NEK1: variants seen among roughly 807,000 people sequenced by gnomAD.
The protein encoded by NEK1 is NIMA related kinase 1.
In NEK1, 137 loss-of-function variants were observed where a neutral mutation model predicts 182.1. That is an observed-to-expected ratio of 0.75 (90% CI 0.65 to 0.87). The LOEUF (loss-of-function observed/expected upper bound fraction) is 0.87. Among genes scored for constraint, NEK1 ranks in the 40% least tolerant of loss-of-function variants. NEK1 has a pLI of 0.00. For missense variants in NEK1, 1,391 were observed against 1,494.4 expected (o/e 0.93, Z 1.14); for synonymous variants, 513 against 492.2 (o/e 1.04, Z -0.56).
chr4:169,511,402 G>A (rs771103435), intron 19 of NEK1, among the ~76,000 whole-genome samples: 1 of 152,134 alleles, frequency 6.6e-6, no homozygotes, highest in Non-Finnish European at 1.5e-5. Flanking sequence ...GTTAAGGGGA[G>A]TGGGTGGTAG....
chr4:169,406,668 C>CGAACATCTCCTACGGTGG lies in NEK1; in HGVS notation c.3284_3301dup (p.Pro1095_Val1100dup). 1.2e-6 allele frequency: 2 copies of CGAACATCTCCTACGGTGG among 1,607,684 alleles called. No homozygotes were observed. The highest frequency in any genetic ancestry group is 1.7e-6 in the Non-Finnish European group (2 of 1,176,400). Reference sequence around the variant, plus strand: ...TTCATCTATTTCAAGATTGTCTTGACGAACATCTCCTACGGTGGGAACATC... The same window carrying CGAACATCTCCTACGGTGG: ...TTCATCTATTTCAAGATTGTCTTGACGAACATCTCCTACGGTGGGAACATCTCCTACGGTGGGAACATC... On this transcript the variant is annotated inframe_insertion, in exon 32 of 36. Transcript: ENST00000507142.
chr4:169,458,466 A>T (rs1028693553), intron 27 of NEK1, among the ~76,000 whole-genome samples: 1 of 152,076 alleles, frequency 6.6e-6, no homozygotes, highest in African/African-American at 2.4e-5. Flanking sequence ...AGTGGCTCAC[A>T]CCAGTAATCC....
chr4:169,428,152 T>C (rs1291921445), intron 29 of NEK1, among the ~76,000 whole-genome samples: 1 of 151,848 alleles, frequency 6.6e-6, no homozygotes, highest in Non-Finnish European at 1.5e-5. Flanking sequence ...CAAAATATAA[T>C]GTCCCTTGGT....
intron 19 of NEK1, among the ~76,000 whole-genome samples, chr4:169,527,148 T>C (rs1329948112): frequency 2.6e-5 from 4 of 152,168 alleles, no homozygotes; most frequent in Non-Finnish European, 2.9e-5. Flanking sequence ...CTATGGAGGA[T>C]AGAAAGCCAG....
intron 18 of NEK1, chr4:169,554,234 A>G (rs112602996): frequency 0.056 from 8,476 of 152,368 alleles, 243 homozygotes; most frequent in African/African-American, 0.068. Context: ...CCTGGGCAAC[A>G]TAGCAAGACT....
intron 27 of NEK1, among the ~76,000 whole-genome samples, chr4:169,455,327 CAA>C (rs536817817): frequency 3.0e-5 from 4 of 135,320 alleles, no homozygotes; most frequent in Admixed American, 1.5e-4. Context: ...GAAGCATAAT[CAA>C]AAAAAAAAAA....
chr4:169,598,787 G>C (rs954252772), intron 5 of NEK1, among the ~76,000 whole-genome samples: 1 of 152,122 alleles, frequency 6.6e-6, no homozygotes, highest in Non-Finnish European at 1.5e-5. Flanking sequence ...TATATAGTCT[G>C]GCAGCAGTAA....
intron 10 of NEK1, among the ~76,000 whole-genome samples, chr4:169,585,086 G>T (rs1472877158): frequency 6.6e-6 from 1 of 152,128 alleles, no homozygotes; most frequent in Non-Finnish European, 1.5e-5. Flanking sequence ...CTACTCAGGA[G>T]GCTGAGGCAG....
Position 169,394,467 on chromosome 4 carries a change from C to T in NEK1, c.*43G>A. The T allele has an allele frequency of 7.9e-7, 1 of 1,258,036 alleles. No individual in the cohort carries two copies. The allele number at this position is 1,258,036 out of a possible 1,614,324, so 77.9% of individuals were successfully genotyped here. Reference sequence around the variant, plus strand: ...GCTTGTTATTCTGATAAGCCAAATTCAAATGCTTTCATATAGTTGAGGATT... The same window carrying T: ...GCTTGTTATTCTGATAAGCCAAATTTAAATGCTTTCATATAGTTGAGGATT... On this transcript the variant is annotated 3_prime_UTR_variant, in exon 36 of 36. Transcript: ENST00000507142.
chr4:169,580,372 C>A (rs753935409), intron 11 of NEK1, among the ~76,000 whole-genome samples: 41 of 151,436 alleles, frequency 2.7e-4, no homozygotes, highest in Non-Finnish European at 3.2e-4. Flanking sequence ...GTGGTGGATG[C>A]CGGTAATCCC....
At position 169,404,080 on chromosome 4, in the gene NEK1, A is replaced by AG. The variant is rs958928736; in HGVS notation, c.3375-2221dup. ...ACACAAACTTAGCAGCTTGGAAGAA[A>AG]GAAAAAATAAAAGAACACAAGCCAC... On this transcript the variant is annotated intron_variant, in intron 32 of 35. Transcript: ENST00000507142. 1.4e-3 allele frequency among the ~76,000 whole-genome samples: 6 copies of AG among 4,280 alleles called. No individual in the cohort carries two copies. The African/African-American group carries it at 0.017, about 12-fold the overall frequency. 2.8% of individuals were successfully genotyped at this position (4,280 alleles called of 152,430 possible).
intron 10 of NEK1, among the ~76,000 whole-genome samples, chr4:169,583,566 T>A (rs1020011378): frequency 7.2e-5 from 11 of 152,198 alleles, no homozygotes; most frequent in Non-Finnish European, 1.3e-4. Context: ...CATTTTAGGC[T>A]TGAATATTTT....
chr4:169,540,105 T>C (rs999382249), intron 18 of NEK1, among the ~76,000 whole-genome samples: 3 of 152,176 alleles, frequency 2.0e-5, no homozygotes, highest in Admixed American at 6.6e-5. Flanking sequence ...CTGGCTTAAA[T>C]AAGCAGGTTT....
intron 18 of NEK1, among the ~76,000 whole-genome samples, chr4:169,545,053 CTTTTTTT>C (rs200190997): frequency 7.3e-6 from 1 of 137,908 alleles, no homozygotes; most frequent in East Asian, 2.1e-4. Context: ...TTCTCTGATT[CTTTTTTT>C]TTTTTTTTAT....
In NEK1 at chr4:169,432,768, T is replaced by TTTAA. The variant is rs566380941; in HGVS notation, c.2885+773_2885+776dup. Reference sequence around the variant, plus strand: ...GACTTTTTACTGCATATCATCATACTTTAATTAATTAATTAATTAATTAAT... The same window carrying TTTAA: ...GACTTTTTACTGCATATCATCATACTTTAATTAATTAATTAATTAATTAATTAAT... On this transcript the variant is annotated intron_variant, in intron 29 of 35. Transcript: ENST00000507142. 6.9e-3 allele frequency among the ~76,000 whole-genome samples: 1,051 copies of TTTAA among 152,160 alleles called. 11 individuals carry two copies. Among genetic ancestry groups the TTTAA allele is most frequent in the African/African-American group, 0.023 (954 of 41,470 alleles).
intron 27 of NEK1, among the ~76,000 whole-genome samples, chr4:169,460,739 C>T (rs1429263563): frequency 6.6e-6 from 1 of 152,054 alleles, no homozygotes; most frequent in Non-Finnish European, 1.5e-5. Flanking sequence ...GAAAATAAAA[C>T]TGCCATCAGA....
rs903942264 is a variant in NEK1 at position 169,406,827 on chromosome 4, C to T, written c.3223-80G>A. The T allele has an allele frequency of 9.1e-6, 11 of 1,214,528 alleles. No individual in the cohort carries two copies. In the African/African-American group the frequency reaches 1.3e-4, roughly 14 times the overall value. The allele number at this position is 1,214,528 out of a possible 1,614,324, so 75.2% of individuals were successfully genotyped here. ...AATGAGAGAAAACTAGAACTAATCA[C>T]AATTTTGTTACATATGTGTAAAATG... On this transcript the variant is annotated intron_variant, in intron 31 of 35. Transcript: ENST00000507142.
At chr4:169,489,574 T>A (rs1042267764) in intron 23 of NEK1, among the ~76,000 whole-genome samples, 2 of 152,152 alleles carry the variant, frequency 1.3e-5, no homozygotes, top group African/African-American at 4.8e-5. Context: ...CCACCATTCA[T>A]GGGCCCTTGT....
chr4:169,547,013 A>G (rs1760588393), intron 18 of NEK1, among the ~76,000 whole-genome samples: 1 of 152,232 alleles, frequency 6.6e-6, no homozygotes. Context: ...AGATCCTGCC[A>G]TTATGATGCT....
Sources: allele counts gnomAD v4.1 joint callset (sites outside exome capture counted in the v4.1 genomes callset), GRCh38; gene constraint gnomAD v4.1.1; transcripts MANE v1.5; gene names NCBI Gene and HGNC (gene_info 2026-07-23, HGNC 2026-07-21).